Variants in SLC24A4 observed in about 807,000 individuals in gnomAD.
SLC24A4 encodes sodium/potassium/calcium exchanger 4.
A neutral mutation model predicts 79.0 loss-of-function variants in SLC24A4; 53 were observed. That is an observed-to-expected ratio of 0.67 (90% CI 0.54 to 0.84). SLC24A4 has a LOEUF of 0.84. Ranked by LOEUF, SLC24A4 falls within the 40% of genes least tolerant of loss-of-function variation. The pLI, the probability that SLC24A4 is intolerant of heterozygous loss-of-function variation, is 0.00. For synonymous variants in SLC24A4, 323 were observed against 323.8 expected, an observed-to-expected ratio of 1.00 and a Z score of 0.03; for missense variants, 731 against 822.0, an observed-to-expected ratio of 0.89 and a Z score of 1.35.
chr14:92,381,782 AG>A (rs1267820426), intron 2 of SLC24A4, among the ~76,000 whole-genome samples: 1 of 151,976 alleles, frequency 6.6e-6, no homozygotes. Flanking sequence ...ATACGGTAAA[AG>A]CTGTCAGGTC....
intron 2 of SLC24A4, among the ~76,000 whole-genome samples, chr14:92,369,557 C>A (rs575533240): frequency 6.6e-6 from 1 of 152,244 alleles, no homozygotes; most frequent in East Asian, 1.9e-4. Context: ...GTTTGTAAAA[C>A]GTATTTTTGG....
chr14:92,437,353 C>T (rs1432605686), intron 3 of SLC24A4, among the ~76,000 whole-genome samples: 1 of 152,168 alleles, frequency 6.6e-6, no homozygotes, highest in Non-Finnish European at 1.5e-5. Context: ...AAGTTATAGG[C>T]GAGGGTTTTC....
chr14:92,462,895 G>A (rs568105928), intron 12 of SLC24A4: 1 of 152,302 alleles, frequency 6.6e-6, no homozygotes, highest in African/African-American at 2.4e-5. Context: ...TGTGCTTAGG[G>A]GACAACACTA....
chr14:92,374,276 G>T (rs1297561841), intron 2 of SLC24A4, among the ~76,000 whole-genome samples: 1 of 152,216 alleles, frequency 6.6e-6, no homozygotes, highest in African/African-American at 2.4e-5. Flanking sequence ...GCCAGAAGAG[G>T]TGGTGTGGTT....
chr14:92,360,173 TG>T (rs1473541333), intron 2 of SLC24A4, among the ~76,000 whole-genome samples: 1 of 152,244 alleles, frequency 6.6e-6, no homozygotes, highest in Non-Finnish European at 1.5e-5. Context: ...CTGCCCACCT[TG>T]GCCTCCCAAA....
chr14:92,452,509 ACT>A (rs1179928451), intron 10 of SLC24A4: 3 of 151,632 alleles, frequency 2.0e-5, no homozygotes, highest in Non-Finnish European at 4.4e-5. Context: ...CGCTAATAAC[ACT>A]CTCCAGCACA....
intron 2 of SLC24A4, among the ~76,000 whole-genome samples, chr14:92,369,664 A>G (rs746630693): frequency 1.3e-5 from 2 of 152,232 alleles, no homozygotes; most frequent in Non-Finnish European, 2.9e-5. Context: ...ATAAGGTACA[A>G]GCACAGTTTC....
At chr14:92,422,413 G>A (rs1023415551) in intron 2 of SLC24A4, among the ~76,000 whole-genome samples, 1 of 152,230 alleles carries the variant, frequency 6.6e-6, no homozygotes, top group Non-Finnish European at 1.5e-5. Context: ...TTTGGCTTTT[G>A]TTAGACAGTC....
chr14:92,415,649 G>A (rs1352728065), intron 2 of SLC24A4, among the ~76,000 whole-genome samples: 1 of 152,094 alleles, frequency 6.6e-6, no homozygotes, highest in Non-Finnish European at 1.5e-5. Context: ...GTAGAGATGG[G>A]GTTTCACCAT....
chr14:92,352,822 G>A (rs564427419), intron 2 of SLC24A4, among the ~76,000 whole-genome samples: 2 of 152,244 alleles, frequency 1.3e-5, no homozygotes, highest in South Asian at 4.1e-4. Context: ...AGGACATTCA[G>A]GAAAGGAATT....
intron 2 of SLC24A4, among the ~76,000 whole-genome samples, chr14:92,397,466 GCT>G (rs578201619): frequency 1.6e-3 from 245 of 152,342 alleles, no homozygotes; most frequent in Non-Finnish European, 2.5e-3. Context: ...CTAGCCCAGT[GCT>G]CTTTCCCCTG....
chr14:92,492,735 C>T (rs1566809693), intron 16 of SLC24A4: 2 of 406,262 alleles, frequency 4.9e-6, no homozygotes, highest in Non-Finnish European at 9.9e-6. Context: ...CAGGGGTTAA[C>T]TTTCCCAAGG....
At chr14:92,352,034 T>C (rs2141646299) in intron 2 of SLC24A4, among the ~76,000 whole-genome samples, 1 of 152,166 alleles carries the variant, frequency 6.6e-6, no homozygotes, top group East Asian at 1.9e-4. Flanking sequence ...GAGCTGTTGG[T>C]AGTAAACAGA....
chr14:92,436,507 C>T (rs1486030775), intron 3 of SLC24A4, among the ~76,000 whole-genome samples: 1 of 152,176 alleles, frequency 6.6e-6, no homozygotes, highest in African/African-American at 2.4e-5. Context: ...TGTTTCACAA[C>T]AGCAGAATAG....
At chr14:92,392,811 C>T (rs1333623733) in intron 2 of SLC24A4, among the ~76,000 whole-genome samples, 1 of 146,466 alleles carries the variant, frequency 6.8e-6, no homozygotes, top group African/African-American at 2.4e-5. Flanking sequence ...ATGGGAGGCG[C>T]CATCTGTGAG....
At chr14:92,413,139 A>G (rs1595241663) in intron 2 of SLC24A4, among the ~76,000 whole-genome samples, 1 of 152,102 alleles carries the variant, frequency 6.6e-6, no homozygotes, top group African/African-American at 2.4e-5. Context: ...ACGTTTGCCA[A>G]CTGTTGGTTT....
chr14:92,486,723 C>T lies in SLC24A4; in HGVS notation c.1480C>T (p.Leu494=), dbSNP rs1595361736. ...IPDVIMGITF[L]AAGTSVPDCM... is the part of the protein sequence containing the mutation. ...GGATGTCATCATGGGCATTACTTTC[C>T]TGGCAGCAGGGACAAGTGTTCCAGA... The change falls in exon 14 of 17, where the codon CTG becomes TTG. Residue 494 remains leucine (L), a synonymous_variant. Transcript: ENST00000532405. 5.6e-6 allele frequency: 9 copies of T among 1,614,152 alleles called. No individual in the cohort carries two copies. In the East Asian group the frequency reaches 2.0e-4, roughly 36 times the overall value.
At chr14:92,415,936 C>T (rs558746081) in intron 2 of SLC24A4, among the ~76,000 whole-genome samples, 94 of 152,184 alleles carry the variant, frequency 6.2e-4, no homozygotes, top group Middle Eastern at 6.8e-3. Context: ...ACTTTTTCCC[C>T]GAGTCCCCAA....
chr14:92,408,157 T>G (rs1890505995), intron 2 of SLC24A4, among the ~76,000 whole-genome samples: 1 of 107,464 alleles, frequency 9.3e-6, no homozygotes, highest in Admixed American at 1.1e-4. Flanking sequence ...GTATGCTTGT[T>G]GCTACAGCAG....
Sources: gnomAD v4.1 joint callset for allele counts (sites outside exome capture counted in the v4.1 genomes callset) on GRCh38, gnomAD v4.1.1 for gene constraint, MANE v1.5 for transcripts, NCBI Gene and HGNC (gene_info 2026-07-23, HGNC 2026-07-21) for gene names.